POFUT1: variants seen among roughly 807,000 people sequenced by gnomAD.
POFUT1 encodes the protein protein O-fucosyltransferase 1, also known as GDP-fucose protein O-fucosyltransferase 1.
POFUT1 carries 16 observed loss-of-function variants against 42.4 expected under a neutral mutation model. The observed-to-expected ratio is 0.38, with a 90% confidence interval of 0.26 to 0.57. POFUT1 has a LOEUF of 0.57. Among genes scored for constraint, POFUT1 ranks in the 20% least tolerant of loss-of-function variants. The probability of loss-of-function intolerance (pLI) is 0.71; values close to 1 mark genes in which losing one functional copy is unlikely to be tolerated. For synonymous variants in POFUT1, 206 were observed against 205.4 expected (o/e 1.00, Z -0.03); for missense variants, 470 against 504.6 (o/e 0.93, Z 0.66).
chr20:32,219,541 A>G (rs6057539), intron 4 of POFUT1, among the ~76,000 whole-genome samples: 8,405 of 140,094 alleles, frequency 0.06, 861 homozygotes, highest in African/African-American at 0.21. Context: ...ACGGAATCTC[A>G]CTCTGTCACC....
chr20:32,216,798 C>T, intron 4 of POFUT1, 77 bp downstream of exon 4: 1 of 1,367,032 alleles, frequency 7.3e-7, no homozygotes. Context: ...TTCTGGCACT[C>T]TCCCCATCTT....
intron 6 of POFUT1, among the ~76,000 whole-genome samples, chr20:32,232,162 C>T (rs1035234251): frequency 1.3e-5 from 2 of 152,166 alleles, no homozygotes; most frequent in Admixed American, 6.5e-5. Flanking sequence ...TTCTAATCTC[C>T]TCCCCACCTA....
At chr20:32,230,748 A>G in intron 5 of POFUT1, 71 bp from the exon 6 acceptor site, 3 of 1,558,988 alleles carry the variant, frequency 1.9e-6, no homozygotes, top group South Asian at 2.3e-5. Flanking sequence ...GTCTTTTTCC[A>G]CTTACCAGGT....
At chr20:32,216,156 G>A (rs1261912050) in intron 3 of POFUT1, among the ~76,000 whole-genome samples, 3 of 152,224 alleles carry the variant, frequency 2.0e-5, no homozygotes, top group Non-Finnish European at 2.9e-5. Context: ...GAAGAACTAT[G>A]AAATTTGAGA....
intron 4 of POFUT1, chr20:32,223,823 G>C (rs1042656448): frequency 2.5e-5 from 9 of 364,862 alleles, no homozygotes; most frequent in African/African-American, 2.0e-4. Flanking sequence ...GGGTGGGGGA[G>C]ATGGGAGTAA....
Position 32,228,271 on chromosome 20 carries a change from C to T in POFUT1, c.551C>T (p.Pro184Leu), listed in dbSNP as rs141117303. 37 of 1,612,982 alleles carry T rather than the reference C, an allele frequency of 2.3e-5. No individual in the cohort carries two copies. The highest frequency in any genetic ancestry group is 3.1e-5 in the Non-Finnish European group (37 of 1,179,446). Reference protein sequence around the residue: ...YREQWSQRFSPKEHPVLALPG... With the variant: ...YREQWSQRFSLKEHPVLALPG... Reference sequence around the variant, plus strand: ...TTCCATCTCCTGTCTAGATTTTCTCCAAAGGAACATCCGGTGCTTGCCCTG... The same window carrying T: ...TTCCATCTCCTGTCTAGATTTTCTCTAAAGGAACATCCGGTGCTTGCCCTG... Residue 184 changes from proline to leucine, a missense_variant, in exon 5 of 7, where the codon CCA (proline) becomes CTA (leucine). By Grantham distance (98) the Pro-to-Leu change is moderately conservative (BLOSUM62 -3). Transcript: ENST00000375749.
chr20:32,208,434 C>T (rs575553657), intron 1 of POFUT1, among the ~76,000 whole-genome samples: 2 of 152,148 alleles, frequency 1.3e-5, no homozygotes, highest in South Asian at 2.1e-4. Context: ...TGTGCCGGGC[C>T]CTGTTCTCTG....
Position 32,210,145 on chromosome 20 carries a change from G to C in POFUT1, c.199G>C (p.Val67Leu). ...AAAGCTGCTAAACCGTACCTTGGCT[G>C]TCCCTCCTTGGATTGAGTACCAGCA... ...FAKLLNRTLAVPPWIEYQHHK... is the reference protein window; with the variant it reads ...FAKLLNRTLALPPWIEYQHHK... The change falls in exon 2 of 7, where the codon GTC becomes CTC. Residue 67 changes from valine to leucine, a missense_variant. Transcript: ENST00000375749. The C allele has an allele frequency of 1.2e-6, 2 of 1,614,112 alleles. No homozygotes were observed. Among genetic ancestry groups the C allele is most frequent in the Middle Eastern group, 1.7e-4 (1 of 6,060 alleles).
rs2047469461 is a variant in POFUT1 at position 32,236,158 on chromosome 20, A to C, written c.*1497A>C. On this transcript the variant is annotated 3_prime_UTR_variant, in exon 7 of 7. Coordinates refer to ENST00000375749, the MANE Select transcript of POFUT1 (RefSeq NM_015352.2). ...GGACTGAGAGATGGTTTGCCTGTCCAGACTTGCTCTCAAGCCTCATCCAGA... is the reference window on the plus strand; with the variant it reads ...GGACTGAGAGATGGTTTGCCTGTCCCGACTTGCTCTCAAGCCTCATCCAGA... 6.6e-6 allele frequency: 1 copy of C among 152,302 alleles called. No homozygotes were observed. Among genetic ancestry groups the C allele is most frequent in the African/African-American group, 2.4e-5 (1 of 41,476 alleles). The allele number at this position is 152,302 out of a possible 1,614,324, so 9.4% of individuals were successfully genotyped here.
chr20:32,237,862 CA>C lies in POFUT1; in HGVS notation c.*3202del, dbSNP rs1325784923. The C allele has an allele frequency of 1.9e-6, 1 of 533,646 alleles. No individual in the cohort carries two copies. The highest frequency in any genetic ancestry group is 5.4e-5 in the East Asian group (1 of 18,358). 33.1% of individuals were successfully genotyped at this position (533,646 alleles called of 1,614,324 possible). ...CCCTCCTCTCCCAAGAGACAAAGGCCATTGCATTGAAGGAGGTGGGAAATGA... is the reference window on the plus strand; with the variant it reads ...CCCTCCTCTCCCAAGAGACAAAGGCCTTGCATTGAAGGAGGTGGGAAATGA... On this transcript the variant is annotated 3_prime_UTR_variant, in exon 7 of 7. Transcript: ENST00000375749.
intron 2 of POFUT1, among the ~76,000 whole-genome samples, chr20:32,214,192 A>C (rs1450557073): frequency 6.6e-6 from 1 of 152,038 alleles, no homozygotes; most frequent in Non-Finnish European, 1.5e-5. Context: ...TGGCACAGTC[A>C]CACATCACTG....
intron 6 of POFUT1, among the ~76,000 whole-genome samples, chr20:32,234,151 C>CA (rs889092523): frequency 1.3e-5 from 2 of 152,108 alleles, no homozygotes; most frequent in African/African-American, 4.8e-5. Context: ...AAGCCCATCT[C>CA]AAAAAATTAA....
chr20:32,208,648 CAA>C (rs67714814), intron 1 of POFUT1, among the ~76,000 whole-genome samples: 4,041 of 93,552 alleles, frequency 0.043, 150 homozygotes, highest in African/African-American at 0.14. Flanking sequence ...AATCCAATCT[CAA>C]AAAAAAAAAA....
At chr20:32,230,187 A>C (rs558850102) in intron 5 of POFUT1, among the ~76,000 whole-genome samples, 1 of 152,010 alleles carries the variant, frequency 6.6e-6, no homozygotes, top group South Asian at 2.1e-4. Context: ...GGAGATCAAG[A>C]CCATCCTGGC....
In POFUT1 at chr20:32,217,385, A is replaced by G. The variant is rs1367332502; in HGVS notation, c.542+664A>G. ...AAGACCATGGGCTTAGAAGGCAGAC[A>G]TTGGTTAGGAGGTGCAGGGAACATA... On this transcript the variant is annotated intron_variant, in intron 4 of 6. Coordinates refer to ENST00000375749, the MANE Select transcript of POFUT1 (RefSeq NM_015352.2). 4.6e-6 allele frequency: 5 copies of G among 1,082,864 alleles called. No individual in the cohort carries two copies. In the South Asian group the frequency reaches 1.1e-4, roughly 23 times the overall value. 67.1% of individuals were successfully genotyped at this position (1,082,864 alleles called of 1,614,324 possible).
chr20:32,236,067 CTG>C lies in POFUT1; in HGVS notation c.*1408_*1409del, dbSNP rs1274124694. ...GCCACCCAACTCTAAGCAGGAGAAA[CTG>C]TACAGAAAGGGCTTTGCTATTTTTC... On this transcript the variant is annotated 3_prime_UTR_variant, in exon 7 of 7. Transcript: ENST00000375749. 1 of 152,278 alleles carries C rather than the reference CTG, an allele frequency of 6.6e-6. No individual in the cohort carries two copies. Among genetic ancestry groups the C allele is most frequent in the Non-Finnish European group, 1.5e-5 (1 of 68,078 alleles). The allele number at this position is 152,278 out of a possible 1,614,324, so 9.4% of individuals were successfully genotyped here.
At chr20:32,219,561 G>T (rs192946805) in intron 4 of POFUT1, among the ~76,000 whole-genome samples, 85 of 146,714 alleles carry the variant, frequency 5.8e-4, no homozygotes, top group Admixed American at 5.4e-3. Flanking sequence ...CAAGGCTGGA[G>T]TCTCGGCTCA....
chr20:32,217,776 T>A, intron 4 of POFUT1: 1 of 975,332 alleles, frequency 1.0e-6, no homozygotes, highest in South Asian at 4.7e-5. Flanking sequence ...AGATAGTTCA[T>A]GAAGTGGGTA....
chr20:32,224,348 C>T (rs1490700721), intron 4 of POFUT1, among the ~76,000 whole-genome samples: 3 of 151,948 alleles, frequency 2.0e-5, no homozygotes, highest in African/African-American at 4.8e-5. Flanking sequence ...ACCAAGATCA[C>T]GCCGCTGCAC....
Sources: allele counts gnomAD v4.1 joint callset (sites outside exome capture counted in the v4.1 genomes callset), GRCh38; gene constraint gnomAD v4.1.1; transcripts MANE v1.5; gene names NCBI Gene and HGNC (gene_info 2026-07-23, HGNC 2026-07-21).